COPA: variants seen among roughly 807,000 people sequenced by gnomAD.
COPA encodes the protein coat protein complex I subunit alpha, also known as coatomer subunit alpha.
In COPA, 10 loss-of-function variants were observed where a neutral mutation model predicts 158.7. That is an observed-to-expected ratio of 0.06 (90% CI 0.04 to 0.11). COPA has a LOEUF of 0.11. Among genes scored for constraint, COPA ranks in the 10% least tolerant of loss-of-function variants. The pLI is 1.00. For synonymous variants in COPA, 462 were observed against 542.8 expected (o/e 0.85, Z 2.07); for missense variants, 1,065 against 1,536.7 (o/e 0.69, Z 5.13).
At chr1:160,302,244 C>T (rs1658631969) in intron 17 of COPA, among the ~76,000 whole-genome samples, 2 of 151,988 alleles carry the variant, frequency 1.3e-5, no homozygotes, top group South Asian at 2.1e-4. Flanking sequence ...TAAATATCAA[C>T]AAAATTAGAA....
At chr1:160,328,478 G>A (rs1393126928) in intron 6 of COPA, among the ~76,000 whole-genome samples, 2 of 152,158 alleles carry the variant, frequency 1.3e-5, no homozygotes, top group East Asian at 3.9e-4. Flanking sequence ...AACGACAGAT[G>A]GAAAATTTCT....
chr1:160,290,444 T>C (rs1456436945), intron 32 of COPA, 48 bp downstream of exon 32: 1 of 1,572,574 alleles, frequency 6.4e-7, no homozygotes, highest in South Asian at 1.1e-5. Context: ...TCTTTCTTTT[T>C]CCCCTTCGCT....
intron 8 of COPA, among the ~76,000 whole-genome samples, chr1:160,316,118 G>C (rs892578590): frequency 1.3e-5 from 2 of 152,202 alleles, no homozygotes; most frequent in Non-Finnish European, 2.9e-5. Context: ...CCAGCACTTT[G>C]GGAGGCCGAG....
At chr1:160,316,845 C>T (rs1659159594) in intron 8 of COPA, among the ~76,000 whole-genome samples, 1 of 151,878 alleles carries the variant, frequency 6.6e-6, no homozygotes, top group Admixed American at 6.6e-5. Flanking sequence ...AGAAAATTTT[C>T]CAAAACTTGA....
chr1:160,328,917 C>T (rs1647381373), intron 6 of COPA, among the ~76,000 whole-genome samples: 1 of 152,046 alleles, frequency 6.6e-6, no homozygotes, highest in Admixed American at 6.6e-5. Flanking sequence ...TTAACTAACT[C>T]AGAGAGTGTC....
At chr1:160,314,257 T>A (rs111299305) in intron 8 of COPA, 132 bp from the exon 9 acceptor site, 1 of 860,242 alleles carries the variant, frequency 1.2e-6, no homozygotes, top group African/African-American at 1.7e-5. Flanking sequence ...CTTTCTAATA[T>A]GGCAATCTTC....
chr1:160,311,962 C>T lies in COPA; in HGVS notation c.982G>A (p.Val328Ile). The change falls in exon 11 of 33, where the codon GTT becomes ATT. Residue 328 changes from valine (V) to isoleucine (I), a missense_variant. This residue lies in a region of COPA where 980 missense variants were observed against 1,357.8 expected (regional missense o/e 0.72). Coordinates refer to ENST00000241704, the MANE Select transcript of COPA (RefSeq NM_004371.4). ...KLERERPAYA[V>I]HGNMLHYVKD... is the part of the protein sequence containing the mutation. ...ACATAGTGTAGCATATTGCCATGAA[C>T]AGCATAGGCTGGCCGTTCCCGTTCC... is the stretch of plus-strand genomic sequence containing the variant. 3 of 1,614,036 alleles carry T rather than the reference C, an allele frequency of 1.9e-6. No individual in the cohort carries two copies. Among genetic ancestry groups the T allele is most frequent in the Non-Finnish European group, 2.5e-6 (3 of 1,179,982 alleles).
chr1:160,341,421 T>C (rs1299346001), intron 1 of COPA, among the ~76,000 whole-genome samples: 1 of 152,218 alleles, frequency 6.6e-6, no homozygotes, highest in Non-Finnish European at 1.5e-5. Context: ...TAACAGGCAT[T>C]TTGTCCGCCA....
At chr1:160,303,431 T>C (rs57589595) in intron 17 of COPA, among the ~76,000 whole-genome samples, 1,839 of 152,168 alleles carry the variant, frequency 0.012, 43 homozygotes, top group African/African-American at 0.041. Context: ...TGCAGAACAA[T>C]GGAGAAAGAA....
intron 17 of COPA, among the ~76,000 whole-genome samples, chr1:160,301,038 A>G (rs1658582010): frequency 6.6e-6 from 1 of 151,988 alleles, no homozygotes; most frequent in Non-Finnish European, 1.5e-5. Flanking sequence ...GAATTGCTTG[A>G]ACCCGGGAGG....
At chr1:160,309,529 AG>A (rs1571161711) in intron 12 of COPA, among the ~76,000 whole-genome samples, 2 of 152,216 alleles carry the variant, frequency 1.3e-5, no homozygotes, top group African/African-American at 4.8e-5. Flanking sequence ...ACCTCTGGAA[AG>A]GAAAAAAAAA....
rs764962432 is a variant in COPA at position 160,297,776 on chromosome 1, T to C, written c.1978-31A>G. ...GAATCCCCAGGGTCGTGTTAACAGGTTGAAGGACAATGTGACTCAAAACCA... is the reference window on the plus strand; with the variant it reads ...GAATCCCCAGGGTCGTGTTAACAGGCTGAAGGACAATGTGACTCAAAACCA... On this transcript the variant is annotated intron_variant, in intron 19 of 32. Coordinates refer to ENST00000241704, the MANE Select transcript of COPA (RefSeq NM_004371.4). 1.9e-5 allele frequency: 30 copies of C among 1,603,342 alleles called. No homozygotes were observed. Among genetic ancestry groups the C allele is most frequent in the Non-Finnish European group, 2.6e-5 (30 of 1,175,994 alleles).
chr1:160,311,786 A>G, intron 11 of COPA, 82 bp downstream of exon 11: 1 of 1,247,250 alleles, frequency 8.0e-7, no homozygotes, highest in African/African-American at 1.6e-5. Context: ...AATGAAAGAA[A>G]GAAAAGAAGA....
At chr1:160,340,146 T>C in intron 2 of COPA, 35 bp downstream of exon 2, 1 of 1,526,570 alleles carries the variant, frequency 6.6e-7, no homozygotes, top group Non-Finnish European at 9.1e-7. Context: ...TATAAATACT[T>C]ATACTCCTTT....
intron 25 of COPA, among the ~76,000 whole-genome samples, chr1:160,293,722 C>G (rs1658314854): frequency 6.6e-6 from 1 of 152,062 alleles, no homozygotes; most frequent in African/African-American, 2.4e-5. Flanking sequence ...TCTCCAACTC[C>G]TGAGTTCAAG....
intron 12 of COPA, 105 bp from the exon 13 acceptor site, chr1:160,309,281 T>A (rs1167777406): frequency 1.2e-6 from 1 of 818,550 alleles, no homozygotes; most frequent in Non-Finnish European, 2.1e-6. Flanking sequence ...CAGACACCAA[T>A]CTGAAACCAT....
At position 160,296,116 on chromosome 1, in the gene COPA, C is replaced by G; in HGVS notation, c.2297G>C (p.Gly766Ala). 1 of 1,614,166 alleles carries G rather than the reference C, an allele frequency of 6.2e-7. No homozygotes were observed. The highest frequency in any genetic ancestry group is 8.5e-7 in the Non-Finnish European group (1 of 1,180,024). The change falls in exon 22 of 33, where the codon GGC (glycine) becomes GCC (alanine). Residue 766 changes from glycine (G) to alanine (A), a missense_variant. Transcript: ENST00000241704. ...TAGGCTCTCAGCTTCTTCATCTAAGCCATGGGTAGCAGCTGTGAGATAGGC... is the reference window on the plus strand; with the variant it reads ...TAGGCTCTCAGCTTCTTCATCTAAGGCATGGGTAGCAGCTGTGAGATAGGC... ...SLAYLTAATH[G>A]LDEEAESLKE...
In COPA at chr1:160,290,535, C is replaced by T. The variant is rs1437130413; in HGVS notation, c.3572G>A (p.Cys1191Tyr). The T allele has an allele frequency of 1.2e-6, 2 of 1,614,094 alleles. No individual in the cohort carries two copies. Among genetic ancestry groups the T allele is most frequent in the African/African-American group, 2.7e-5 (2 of 74,936 alleles). The change falls in exon 32 of 33, where the codon TGC (cysteine) becomes TAC (tyrosine). Residue 1191 changes from cysteine (C) to tyrosine (Y), a missense_variant. Coordinates refer to ENST00000241704, the MANE Select transcript of COPA (RefSeq NM_004371.4). Reference protein sequence around the residue: ...PVEKCPLSGACYSPEFKGQIC... With the variant: ...PVEKCPLSGAYYSPEFKGQIC... ...TTGACCTTTGAACTCAGGGGAATAG[C>T]AGGCCCCACTGAGTGGACACTTTTC...
Position 160,305,778 on chromosome 1 carries a change from G to A in COPA, c.1443-5C>T, listed in dbSNP as rs1293350299. On this transcript the variant is annotated splice_region_variant and splice_polypyrimidine_tract_variant and intron_variant, in intron 15 of 32. Transcript: ENST00000241704. ...ATCTTCACAGATGCCAGAGTCCTGA[G>A]ATAGATAGAGATGTGCAAACATGAA... The A allele has an allele frequency of 1.9e-6, 3 of 1,610,228 alleles. No homozygotes were observed. Among genetic ancestry groups the A allele is most frequent in the Admixed American group, 3.3e-5 (2 of 60,030 alleles).
Sources: gnomAD v4.1 joint callset for allele counts (sites outside exome capture counted in the v4.1 genomes callset) on GRCh38, gnomAD v4.1.1 for gene constraint, gnomAD v4.1.1 regional missense constraint, MANE v1.5 for transcripts, NCBI Gene and HGNC (gene_info 2026-07-23, HGNC 2026-07-21) for gene names.